Variants in NRL observed in about 807,000 individuals in gnomAD.
NRL encodes the protein neural retina leucine zipper.
NRL carries 16 observed loss-of-function variants against 12.5 expected under a neutral mutation model. The observed-to-expected ratio is 1.28, with a 90% CI of 0.87 to 1.95. NRL has a LOEUF of 1.95. NRL is among the 30% of genes most tolerant of loss of function. NRL has a pLI of 0.00. For synonymous variants in NRL, 142 were observed against 150.9 expected (o/e 0.94, Z 0.43); for missense variants, 314 against 325.8 (o/e 0.96, Z 0.28).
Position 24,101,688 on chromosome 14 carries a change from C to T in NRL, c.-28+13034G>A, listed in dbSNP as rs573508266. 3.3e-5 allele frequency among the ~76,000 whole-genome samples: 5 copies of T among 152,212 alleles called. No individual in the cohort carries two copies. The East Asian group carries it at 5.8e-4, about 18-fold the overall frequency. On this transcript the variant is annotated intron_variant, in intron 1 of 2. Coordinates refer to ENST00000561028, the MANE Select transcript of NRL (RefSeq NM_001354768.3). Reference sequence around the variant, plus strand: ...CTGTAATCCCAGCACTTTGGGAGGCCGAGGCAGTTGGATCACCTGAGGTCA... The same window carrying T: ...CTGTAATCCCAGCACTTTGGGAGGCTGAGGCAGTTGGATCACCTGAGGTCA...
rs2036270032 is a variant in NRL at position 24,081,183 on chromosome 14, GGGC to G, written c.*50_*52del. On this transcript the variant is annotated 3_prime_UTR_variant, in exon 3 of 3. Transcript: ENST00000561028. The surrounding 1 kb of genome is among the most constrained non-coding windows in gnomAD (Gnocchi z 4.4). ...GCAGAGAACCGTGCAGCCGCCTCCTGGGCGGAGCCACCCCACCCAGCCCCCACT... is the reference window on the plus strand; with the variant it reads ...GCAGAGAACCGTGCAGCCGCCTCCTGGGAGCCACCCCACCCAGCCCCCACT... 7.8e-7 allele frequency: 1 copy of G among 1,280,556 alleles called. No homozygotes were observed. The highest frequency in any genetic ancestry group is 3.3e-5 in the Admixed American group (1 of 29,994). The allele number at this position is 1,280,556 out of a possible 1,614,324, so 79.3% of individuals were successfully genotyped here.
chr14:24,102,666 A>G, intron 1 of NRL: 1 of 1,160,084 alleles, frequency 8.6e-7, no homozygotes, highest in Non-Finnish European at 1.2e-6. Flanking sequence ...AAAAAAAAAG[A>G]ACCCTGCAAG....
chr14:24,082,395 G>T (rs902923860), intron 2 of NRL, 73 bp downstream of exon 2: 5 of 1,587,570 alleles, frequency 3.1e-6, no homozygotes, highest in Admixed American at 1.7e-5. Flanking sequence ...CCCTCTGGGA[G>T]CTCCCCTTCC....
At chr14:24,086,559 C>A (rs2036471663) in intron 1 of NRL, among the ~76,000 whole-genome samples, 1 of 152,238 alleles carries the variant, frequency 6.6e-6, no homozygotes, top group African/African-American at 2.4e-5. Context: ...GGACCCCACA[C>A]ACATGCCCAT....
At chr14:24,108,561 GT>G (rs961560484) in intron 1 of NRL, among the ~76,000 whole-genome samples, 29 of 151,390 alleles carry the variant, frequency 1.9e-4, no homozygotes, top group Non-Finnish European at 3.8e-4. Flanking sequence ...TGAACTCCTG[GT>G]TTCAAGCAAT....
chr14:24,092,600 G>T (rs563013086), intron 1 of NRL, among the ~76,000 whole-genome samples: 1 of 152,290 alleles, frequency 6.6e-6, no homozygotes, highest in South Asian at 2.1e-4. Flanking sequence ...TCTATGAACT[G>T]GGGGGAAAGA....
At chr14:24,114,024 A>G (rs2037474690) in intron 1 of NRL, among the ~76,000 whole-genome samples, 1 of 152,132 alleles carries the variant, frequency 6.6e-6, no homozygotes, top group South Asian at 2.1e-4. Context: ...CTTGTTACTC[A>G]TAAACCCGCA....
chr14:24,102,729 T>C (rs180748619), intron 1 of NRL: 23 of 1,602,680 alleles, frequency 1.4e-5, no homozygotes, highest in Non-Finnish European at 1.8e-5. Context: ...TTGGAAATAA[T>C]AGTGTTTGTA....
chr14:24,100,591 GA>G, intron 1 of NRL: 1 of 1,082,142 alleles, frequency 9.2e-7, no homozygotes, highest in Non-Finnish European at 1.1e-6. Context: ...TTAATGAAAG[GA>G]AAAGGAAGGA....
At position 24,081,400 on chromosome 14, in the gene NRL, G is replaced by C. The variant is rs2036286796; in HGVS notation, c.550C>G (p.Arg184Gly). 4 of 1,487,594 alleles carry C rather than the reference G, an allele frequency of 2.7e-6. No homozygotes were observed. The highest frequency in any genetic ancestry group is 3.6e-6 in the Non-Finnish European group (4 of 1,121,222). The allele number at this position is 1,487,594 out of a possible 1,614,324, so 92.1% of individuals were successfully genotyped here. ...GCGCGCTCGGCCTCCAGCCCGCGCCGCTGCTGCAGCCGCTTGGAGCGACAG... is the reference window on the plus strand; with the variant it reads ...GCGCGCTCGGCCTCCAGCCCGCGCCCCTGCTGCAGCCGCTTGGAGCGACAG... ...QACRSKRLQQ[R>G]RGLEAERARL... The change falls in exon 3 of 3, where the codon CGG becomes GGG. Residue 184 changes from arginine (R) to glycine (G), a missense_variant. Transcript: ENST00000561028. The surrounding 1 kb of genome is among the most constrained non-coding windows in gnomAD (Gnocchi z 4.4).
intron 1 of NRL, chr14:24,095,270 A>C (rs900829302): frequency 4.6e-5 from 21 of 453,714 alleles, no homozygotes; most frequent in Non-Finnish European, 8.0e-5. Flanking sequence ...GGGGCTTCAC[A>C]AGAGATAACG....
At chr14:24,109,040 G>A (rs945523947) in intron 1 of NRL, among the ~76,000 whole-genome samples, 26 of 152,194 alleles carry the variant, frequency 1.7e-4, no homozygotes, top group Admixed American at 2.6e-4. Flanking sequence ...GACAGGTCAG[G>A]CAGGAAGTCA....
intron 1 of NRL, among the ~76,000 whole-genome samples, chr14:24,106,679 C>A (rs573742559): frequency 5.3e-5 from 8 of 151,422 alleles, no homozygotes; most frequent in Non-Finnish European, 1.0e-4. Flanking sequence ...TGAGATCACA[C>A]CACTGCACTC....
intron 1 of NRL, among the ~76,000 whole-genome samples, chr14:24,086,805 A>C (rs2036477650): frequency 6.6e-6 from 1 of 152,222 alleles, no homozygotes. Context: ...AGACTAAACA[A>C]GCTCAGGCGA....
chr14:24,114,744 G>A lies in NRL; in HGVS notation c.-50C>T, dbSNP rs1427361292. The stretch of plus-strand genomic sequence containing the variant: ...TACCTATCAATCATCGTGCTCCGCT[G>A]TCCAGTTGGCTGGCCAAGGGGGCGG... On this transcript the variant is annotated 5_prime_UTR_variant, in exon 1 of 3. Coordinates refer to ENST00000561028, the MANE Select transcript of NRL (RefSeq NM_001354768.3). 11 of 985,990 alleles carry A rather than the reference G, an allele frequency of 1.1e-5. No individual in the cohort carries two copies. Among genetic ancestry groups the A allele is most frequent in the Non-Finnish European group, 1.3e-5 (11 of 829,986 alleles). The allele number at this position is 985,990 out of a possible 1,614,324, so 61.1% of individuals were successfully genotyped here.
intron 1 of NRL, among the ~76,000 whole-genome samples, chr14:24,113,633 C>T (rs1384043529): frequency 6.6e-6 from 1 of 152,238 alleles, no homozygotes; most frequent in African/African-American, 2.4e-5. Flanking sequence ...AATTTCAAGA[C>T]CGTTAACACT....
chr14:24,088,268 C>T (rs2036514028), intron 1 of NRL, among the ~76,000 whole-genome samples: 1 of 152,262 alleles, frequency 6.6e-6, no homozygotes, highest in Non-Finnish European at 1.5e-5. Context: ...AACCTCTTCC[C>T]TGGGTTTGCC....
rs138850727 is a variant in NRL, at chr14:24,095,626, G to T, written c.-27-12751C>A. ...GAAGAAGAGCCAGGGGAAGCACGGG[G>T]TCACGTGGTCCTGGGTGTGGGGGCA... On this transcript the variant is annotated intron_variant, in intron 1 of 2. Transcript: ENST00000561028. Among the ~76,000 whole-genome samples the T allele has an allele frequency of 6.5e-3, 992 of 152,328 alleles. 10 individuals carry two copies. Among genetic ancestry groups the T allele is most frequent in the Non-Finnish European group, 9.1e-3 (621 of 68,024 alleles).
intron 1 of NRL, chr14:24,103,506 C>T (rs369256201): frequency 7.1e-6 from 11 of 1,542,348 alleles, no homozygotes; most frequent in African/African-American, 1.4e-5. Context: ...TGCTTCCCCC[C>T]CAGGGAAGAT....
Sources: gnomAD v4.1 joint callset for allele counts (sites outside exome capture counted in the v4.1 genomes callset) on GRCh38, gnomAD v4.1.1 for gene constraint, Gnocchi (gnomAD v3.1) non-coding constraint, MANE v1.5 for transcripts, NCBI Gene and HGNC (gene_info 2026-07-23, HGNC 2026-07-21) for gene names.